The following GREB1L variants were observed in gnomAD, a reference collection of about 807,000 sequenced individuals.
The protein encoded by GREB1L is GREB1-like protein.
Under a neutral mutation model 200.8 loss-of-function variants are expected in GREB1L, and 17 were observed. The ratio of observed to expected loss-of-function variants is 0.08; its 90% CI spans 0.06 to 0.13. The LOEUF (loss-of-function observed/expected upper bound fraction) is 0.13, where lower values mean the gene tolerates loss of function less well. GREB1L is among the 10% of genes least tolerant of loss of function. The pLI is 1.00. For missense variants in GREB1L, 1,657 were observed against 2,367.7 expected, an observed-to-expected ratio of 0.70 and a Z score of 6.23; for synonymous variants, 789 against 893.0, an observed-to-expected ratio of 0.88 and a Z score of 2.08.
In GREB1L at chr18:21,335,597, G is replaced by C. The variant is rs193024136; in HGVS notation, c.-119-30430G>C. ...CTTAAGACTTGAGAGTTTCTCAGCT[G>C]TTGAGCATTTAAACTAATCTTATGA... On this transcript the variant is annotated intron_variant, in intron 1 of 32. Transcript: ENST00000424526. Among the ~76,000 whole-genome samples, 38 of 151,934 alleles carry C rather than the reference G, an allele frequency of 2.5e-4. No individual in the cohort carries two copies. The East Asian group carries it at 6.0e-3, about 24-fold the overall frequency.
intron 1 of GREB1L, among the ~76,000 whole-genome samples, chr18:21,354,082 C>T (rs2039472080): frequency 6.6e-6 from 1 of 152,132 alleles, no homozygotes; most frequent in Non-Finnish European, 1.5e-5. Flanking sequence ...AGCCACTGTA[C>T]CCAGCCTATA....
At chr18:21,339,816 T>A (rs2039241457) in intron 1 of GREB1L, among the ~76,000 whole-genome samples, 1 of 152,224 alleles carries the variant, frequency 6.6e-6, no homozygotes, top group Non-Finnish European at 1.5e-5. Context: ...TCATAAGATT[T>A]TTTTTGAGCA....
chr18:21,470,199 G>A (rs1342889745), intron 15 of GREB1L, among the ~76,000 whole-genome samples: 1 of 152,062 alleles, frequency 6.6e-6, no homozygotes, highest in Non-Finnish European at 1.5e-5. Flanking sequence ...GAGGCAGGAG[G>A]ATAGCTTGAG....
chr18:21,303,427 A>G (rs1219898429), intron 1 of GREB1L, among the ~76,000 whole-genome samples: 1 of 152,256 alleles, frequency 6.6e-6, no homozygotes, highest in Non-Finnish European at 1.5e-5. Flanking sequence ...TATTGGAAAT[A>G]AATGTTTGGG....
chr18:21,403,924 T>C lies in GREB1L; in HGVS notation c.762T>C (p.Ser254=). 6.4e-7 allele frequency: 1 copy of C among 1,551,306 alleles called. No individual in the cohort carries two copies. The highest frequency in any genetic ancestry group is 8.7e-7 in the Non-Finnish European group (1 of 1,146,326). ...CTTGCCACTCTATTAAGCCAAGCTC[T>C]TCAGTGTCGTCAACTGTGACCCCAG... The part of the protein sequence containing the change: ...SASCHSIKPS[S]SVSSTVTPEN... Residue 254 remains serine (S), a synonymous_variant, in exon 7 of 33, where the codon TCT becomes TCC. Coordinates refer to ENST00000424526, the MANE Select transcript of GREB1L (RefSeq NM_001142966.3).
At chr18:21,389,519 T>C (rs1345525112) in intron 4 of GREB1L, among the ~76,000 whole-genome samples, 5 of 152,096 alleles carry the variant, frequency 3.3e-5, no homozygotes, top group Non-Finnish European at 7.4e-5. Flanking sequence ...TCAAAGATTG[T>C]AATACTAAAA....
At chr18:21,284,380 C>T (rs1340728005) in intron 1 of GREB1L, among the ~76,000 whole-genome samples, 2 of 152,158 alleles carry the variant, frequency 1.3e-5, no homozygotes, top group Non-Finnish European at 2.9e-5. Flanking sequence ...ATGTATCTGT[C>T]TCTATAGATA....
At chr18:21,490,393 T>C (rs2036286027) in intron 19 of GREB1L, 42 bp downstream of exon 19, 1 of 1,496,830 alleles carries the variant, frequency 6.7e-7, no homozygotes, top group Non-Finnish European at 9.0e-7. Context: ...ATACCATTTG[T>C]TTCTCTTTTC....
chr18:21,355,461 G>T (rs1301068378), intron 1 of GREB1L, among the ~76,000 whole-genome samples: 1 of 152,048 alleles, frequency 6.6e-6, no homozygotes, highest in African/African-American at 2.4e-5. Context: ...CAAAGTGCTG[G>T]GATTACAGGC....
At chr18:21,262,065 C>T (rs1415055180) in intron 1 of GREB1L, among the ~76,000 whole-genome samples, 3 of 151,894 alleles carry the variant, frequency 2.0e-5, no homozygotes, top group Non-Finnish European at 4.4e-5. Flanking sequence ...TTATAGTAAC[C>T]AGTAAGGATG....
At chr18:21,269,741 C>T (rs2038049045) in intron 1 of GREB1L, among the ~76,000 whole-genome samples, 1 of 152,112 alleles carries the variant, frequency 6.6e-6, no homozygotes, top group South Asian at 2.1e-4. Context: ...TTAATACTTT[C>T]AGGGCTTTAG....
intron 1 of GREB1L, among the ~76,000 whole-genome samples, chr18:21,263,784 T>C (rs1468203466): frequency 1.3e-5 from 2 of 152,228 alleles, no homozygotes; most frequent in Admixed American, 6.5e-5. Context: ...CCTAGCATTC[T>C]AAGTCAGTCA....
At chr18:21,435,036 G>T (rs1249543057) in intron 7 of GREB1L, 2 of 152,604 alleles carry the variant, frequency 1.3e-5, no homozygotes, top group Non-Finnish European at 2.9e-5. Flanking sequence ...GAAACCACTG[G>T]CTTTATCTTT....
intron 1 of GREB1L, among the ~76,000 whole-genome samples, chr18:21,345,889 A>T (rs1159234550): frequency 1.3e-5 from 2 of 151,368 alleles, no homozygotes; most frequent in East Asian, 3.9e-4. Flanking sequence ...AAAAAAAAAA[A>T]GTACTTACAG....
At chr18:21,367,124 A>G (rs2039706554) in intron 2 of GREB1L, among the ~76,000 whole-genome samples, 1 of 152,114 alleles carries the variant, frequency 6.6e-6, no homozygotes. Flanking sequence ...GGTCAGTGAG[A>G]CACCATGGGG....
At chr18:21,352,545 T>C (rs2039449363) in intron 1 of GREB1L, among the ~76,000 whole-genome samples, 1 of 151,798 alleles carries the variant, frequency 6.6e-6, no homozygotes, top group Admixed American at 6.6e-5. Flanking sequence ...GCAATTCCCA[T>C]GCCTCAGCCA....
chr18:21,362,383 A>G (rs1298369484), intron 1 of GREB1L, among the ~76,000 whole-genome samples: 1 of 152,188 alleles, frequency 6.6e-6, no homozygotes, highest in Non-Finnish European at 1.5e-5. Flanking sequence ...AGTAACCCCA[A>G]AGAAAAATGA....
At chr18:21,272,672 G>A (rs189735351) in intron 1 of GREB1L, among the ~76,000 whole-genome samples, 101 of 152,226 alleles carry the variant, frequency 6.6e-4, no homozygotes, top group African/African-American at 2.4e-3. Flanking sequence ...ATTTACTTCT[G>A]TGCTGGGCTA....
At chr18:21,518,377 T>C (rs1268385366) in intron 31 of GREB1L, 143 bp downstream of exon 31, 67 of 761,600 alleles carry the variant, frequency 8.8e-5, no homozygotes, top group Non-Finnish European at 7.3e-5. Flanking sequence ...TTATTAAAGA[T>C]AGTAATACAG....
Sources: gnomAD v4.1 joint callset for allele counts (sites outside exome capture counted in the v4.1 genomes callset) on GRCh38, gnomAD v4.1.1 for gene constraint, MANE v1.5 for transcripts, NCBI Gene and HGNC (gene_info 2026-07-23, HGNC 2026-07-21) for gene names.